The following MLIP variants were observed in gnomAD, a reference collection of about 807,000 sequenced individuals.
MLIP encodes the protein muscular LMNA-interacting protein.
A neutral mutation model predicts 84.8 loss-of-function variants in MLIP; 79 were observed. The observed-to-expected ratio is 0.93, with a 90% CI of 0.78 to 1.12. MLIP has a LOEUF of 1.12. Ranked by LOEUF, MLIP falls within the 50% of genes most tolerant of loss-of-function variation. The pLI is 0.00. For missense variants in MLIP, 1,257 were observed against 1,160.6 expected, an observed-to-expected ratio of 1.08 and a Z score of -1.21; for synonymous variants, 504 against 463.0, an observed-to-expected ratio of 1.09 and a Z score of -1.14.
chr6:54,039,666 CAGTGAAGTTTA>C (rs1023805668), intron 1 of MLIP, among the ~76,000 whole-genome samples: 2 of 151,774 alleles, frequency 1.3e-5, no homozygotes, highest in African/African-American at 4.8e-5. Context: ...AAACTAAGAG[CAGTGAAGTTTA>C]AGTTTTCCCT....
intron 5 of MLIP, among the ~76,000 whole-genome samples, chr6:54,154,440 T>G (rs1160797908): frequency 2.6e-5 from 4 of 152,192 alleles, no homozygotes; most frequent in African/African-American, 9.6e-5. Flanking sequence ...TCACAAAGGC[T>G]GCCGTATTGA....
At chr6:54,081,366 C>A (rs553312694) in intron 1 of MLIP, among the ~76,000 whole-genome samples, 16 of 151,404 alleles carry the variant, frequency 1.1e-4, no homozygotes, top group Admixed American at 2.0e-4. Context: ...AGCAGTGGAA[C>A]CTATCAATCA....
At chr6:54,222,022 A>G (rs545970379) in intron 11 of MLIP, among the ~76,000 whole-genome samples, 1 of 152,178 alleles carries the variant, frequency 6.6e-6, no homozygotes, top group East Asian at 1.9e-4. Flanking sequence ...GGAAATTCAG[A>G]ATAAAATTTC....
rs141325683 is a variant in MLIP, at chr6:54,243,140, A to C, written c.2922+12223A>C. On this transcript the variant is annotated intron_variant, in intron 12 of 13. Coordinates refer to ENST00000502396, the MANE Select transcript of MLIP (RefSeq NM_001281747.2). ...ATAACTGTCACAACTGCCATGCAAA[A>C]GACATTTGGGCAGGTATGAGTATAT... 5.0e-3 allele frequency among the ~76,000 whole-genome samples: 757 copies of C among 152,308 alleles called. 6 individuals are homozygous for C. Among genetic ancestry groups the C allele is most frequent in the African/African-American group, 0.017 (711 of 41,558 alleles).
intron 5 of MLIP, among the ~76,000 whole-genome samples, 157 bp downstream of exon 5, chr6:54,149,284 G>T (rs1773190681): frequency 6.6e-6 from 1 of 152,082 alleles, no homozygotes; most frequent in African/African-American, 2.4e-5. Flanking sequence ...AAAACATTTT[G>T]GTGAATATAA....
At chr6:54,077,648 T>C (rs1373945147) in intron 1 of MLIP, among the ~76,000 whole-genome samples, 1 of 152,188 alleles carries the variant, frequency 6.6e-6, no homozygotes, top group Admixed American at 6.5e-5. Flanking sequence ...GTAAACTCTG[T>C]ATCTTATTAA....
chr6:54,217,319 A>G (rs941653082), intron 11 of MLIP: 2 of 985,278 alleles, frequency 2.0e-6, no homozygotes, highest in Non-Finnish European at 2.4e-6. Context: ...GCAGGCTTTA[A>G]TAAGAAGAGC....
intron 9 of MLIP, among the ~76,000 whole-genome samples, chr6:54,187,201 C>G (rs1343192946): frequency 1.3e-5 from 2 of 152,122 alleles, no homozygotes; most frequent in Non-Finnish European, 2.9e-5. Context: ...GGTCCAGAAC[C>G]TGTGCAACTC....
intron 11 of MLIP, among the ~76,000 whole-genome samples, chr6:54,211,020 C>T (rs976696708): frequency 1.1e-4 from 17 of 152,032 alleles, no homozygotes; most frequent in African/African-American, 3.9e-4. Flanking sequence ...GGGTGGATTA[C>T]CTGAGGTCAG....
chr6:54,170,752 T>C (rs1252116331), intron 9 of MLIP, among the ~76,000 whole-genome samples: 1 of 151,610 alleles, frequency 6.6e-6, no homozygotes, highest in South Asian at 2.1e-4. Context: ...CTTAATGGAA[T>C]TCTGATACAA....
intron 9 of MLIP, among the ~76,000 whole-genome samples, chr6:54,175,848 G>A (rs892157465): frequency 1.1e-4 from 17 of 151,868 alleles, no homozygotes; most frequent in South Asian, 4.1e-4. Flanking sequence ...TCCTCATTCT[G>A]TATGATTCTA....
chr6:54,200,853 G>A (rs1223500878), intron 10 of MLIP, among the ~76,000 whole-genome samples: 1 of 152,130 alleles, frequency 6.6e-6, no homozygotes, highest in Admixed American at 6.5e-5. Flanking sequence ...AGAAAGTATT[G>A]CAGAGTGACA....
intron 1 of MLIP, among the ~76,000 whole-genome samples, chr6:54,060,001 C>G (rs1765877250): frequency 6.6e-6 from 1 of 152,214 alleles, no homozygotes; most frequent in Non-Finnish European, 1.5e-5. Context: ...GTTTTATCCA[C>G]AAAAGTAGAC....
At chr6:54,124,057 A>G (rs1252388312) in intron 2 of MLIP, among the ~76,000 whole-genome samples, 4 of 152,090 alleles carry the variant, frequency 2.6e-5, no homozygotes, top group Admixed American at 2.0e-4. Flanking sequence ...TTATTTTAGA[A>G]ACTTTCAATG....
At chr6:54,127,699 T>C (rs1158253692) in intron 3 of MLIP, among the ~76,000 whole-genome samples, 3 of 152,098 alleles carry the variant, frequency 2.0e-5, no homozygotes, top group Non-Finnish European at 4.4e-5. Flanking sequence ...ATCAGGGACA[T>C]AGTCAATATA....
In MLIP at chr6:54,231,871, C is replaced by A. The variant is rs529900680; in HGVS notation, c.2922+954C>A. On this transcript the variant is annotated intron_variant, in intron 12 of 13. Transcript: ENST00000502396. ...TTTTAAAGAAAAAAATGTCAATAAACCCTGTCTAAATGCAAACAGTCATCT... is the reference window on the plus strand; with the variant it reads ...TTTTAAAGAAAAAAATGTCAATAAAACCTGTCTAAATGCAAACAGTCATCT... Among the ~76,000 whole-genome samples, 123 of 152,176 alleles carry A rather than the reference C, an allele frequency of 8.1e-4. 1 individual carries two copies. Among genetic ancestry groups the A allele is most frequent in the Middle Eastern group, 3.4e-3 (1 of 294 alleles).
At chr6:54,149,956 T>C (rs1324774634) in intron 5 of MLIP, among the ~76,000 whole-genome samples, 1 of 152,156 alleles carries the variant, frequency 6.6e-6, no homozygotes, top group Non-Finnish European at 1.5e-5. Context: ...TTTATGATTA[T>C]GTATTTAGTC....
chr6:54,020,768 T>C (rs533496693), intron 1 of MLIP, among the ~76,000 whole-genome samples: 1 of 152,338 alleles, frequency 6.6e-6, no homozygotes, highest in East Asian at 1.9e-4. Context: ...CATTACTCTG[T>C]AGCAGAGGCC....
chr6:54,177,901 G>C (rs1776460508), intron 9 of MLIP, among the ~76,000 whole-genome samples: 1 of 152,122 alleles, frequency 6.6e-6, no homozygotes, highest in South Asian at 2.1e-4. Flanking sequence ...GCGGGAACAT[G>C]GATGGAGCTG....
Sources: allele counts gnomAD v4.1 joint callset (sites outside exome capture counted in the v4.1 genomes callset), GRCh38; gene constraint gnomAD v4.1.1; transcripts MANE v1.5; gene names NCBI Gene and HGNC (gene_info 2026-07-23, HGNC 2026-07-21).